The following ACOXL variants were observed in gnomAD, a reference collection of about 807,000 sequenced individuals.
The protein encoded by ACOXL is acyl-CoA oxidase like.
Under a neutral mutation model 71.9 loss-of-function variants are expected in ACOXL, and 70 were observed. The observed-to-expected ratio is 0.97, with a 90% CI of 0.80 to 1.19. The LOEUF (loss-of-function observed/expected upper bound fraction) is 1.19. ACOXL is among the 50% of genes most tolerant of loss of function. The pLI is 0.00. For missense variants in ACOXL, 703 were observed against 736.3 expected, an observed-to-expected ratio of 0.95 and a Z score of 0.52; for synonymous variants, 253 against 281.6, an observed-to-expected ratio of 0.90 and a Z score of 1.02.
rs56961921 is a variant in ACOXL at position 110,915,428 on chromosome 2, A to AT, written c.905+6536dup. Among the ~76,000 whole-genome samples the AT allele has an allele frequency of 4.8e-3, 523 of 107,978 alleles. 2 individuals carry two copies. The highest frequency in any genetic ancestry group is 9.0e-3 in the African/African-American group (253 of 28,036). 70.8% of individuals were successfully genotyped at this position (107,978 alleles called of 152,430 possible). A position where few individuals can be genotyped will look rare whatever the true frequency, so the allele number is the denominator to read the frequency against. ...TATACATATATATATATATATATAT[A>AT]TTTTTTTTTTTTTGAGATGGAGTCT... On this transcript the variant is annotated intron_variant, in intron 11 of 17. Coordinates refer to ENST00000439055, the MANE Select transcript of ACOXL (RefSeq NM_001142807.4).
intron 12 of ACOXL, among the ~76,000 whole-genome samples, chr2:110,935,566 C>T (rs1450831817): frequency 6.6e-6 from 1 of 152,192 alleles, no homozygotes; most frequent in Non-Finnish European, 1.5e-5. Flanking sequence ...TAACCCCACC[C>T]TGTTAGAGAA....
chr2:110,997,611 C>T (rs536489582), intron 14 of ACOXL, among the ~76,000 whole-genome samples: 1 of 152,264 alleles, frequency 6.6e-6, no homozygotes, highest in South Asian at 2.1e-4. Context: ...GAAGCAATTT[C>T]ACTAATATAG....
Position 110,908,570 on chromosome 2 carries a change from C to T in ACOXL, c.789-219C>T, listed in dbSNP as rs553908750. 2.6e-5 allele frequency among the ~76,000 whole-genome samples: 4 copies of T among 152,290 alleles called. No individual in the cohort carries two copies. In the South Asian group the frequency reaches 6.2e-4, roughly 24 times the overall value. On this transcript the variant is annotated intron_variant, in intron 10 of 17. Coordinates refer to ENST00000439055, the MANE Select transcript of ACOXL (RefSeq NM_001142807.4). ...GATGTGCTGCTTTAAAAATGTTCCA[C>T]GCTGGGAAGGTTAACTTCTAGAAGA...
Position 110,822,137 on chromosome 2 carries a change from T to G in ACOXL, c.753+16742T>G, listed in dbSNP as rs564860803. Among the ~76,000 whole-genome samples the G allele has an allele frequency of 2.6e-5, 4 of 152,312 alleles. No individual in the cohort carries two copies. The South Asian group carries it at 8.3e-4, about 32-fold the overall frequency. ...AAATGAAGATTAGGGTGCTAGGTGT[T>G]TCCTTCGTGGCTGGGATGTTGTTAC... is the stretch of plus-strand genomic sequence containing the variant. On this transcript the variant is annotated intron_variant, in intron 9 of 17. Transcript: ENST00000439055.
At chr2:110,814,214 GCCT>G (rs1428258858) in intron 9 of ACOXL, among the ~76,000 whole-genome samples, 1 of 152,172 alleles carries the variant, frequency 6.6e-6, no homozygotes, top group East Asian at 1.9e-4. Flanking sequence ...CAGAATCCAG[GCCT>G]CCTTCTCCAC....
chr2:110,953,966 T>C (rs1271229390), intron 12 of ACOXL, among the ~76,000 whole-genome samples: 1 of 152,222 alleles, frequency 6.6e-6, no homozygotes, highest in Non-Finnish European at 1.5e-5. Context: ...CAGTTGGACA[T>C]GAGATTTGAG....
chr2:110,929,404 A>G (rs2060399156), intron 11 of ACOXL, among the ~76,000 whole-genome samples: 1 of 152,202 alleles, frequency 6.6e-6, no homozygotes, highest in Non-Finnish European at 1.5e-5. Flanking sequence ...AGCAATTTCT[A>G]AGCAGCAAGG....
At chr2:111,113,142 T>A (rs1004095568) in intron 17 of ACOXL, 2 of 152,000 alleles carry the variant, frequency 1.3e-5, no homozygotes, top group Non-Finnish European at 2.9e-5. Flanking sequence ...CTCCAGCAAC[T>A]GGAAGCAGTG....
intron 10 of ACOXL, among the ~76,000 whole-genome samples, chr2:110,844,334 T>C (rs951115157): frequency 6.6e-6 from 1 of 152,218 alleles, no homozygotes; most frequent in African/African-American, 2.4e-5. Flanking sequence ...TTTAACATTC[T>C]GGAAAGTACA....
intron 8 of ACOXL, among the ~76,000 whole-genome samples, chr2:110,803,095 G>A (rs188437601): frequency 6.6e-6 from 1 of 152,274 alleles, no homozygotes; most frequent in Non-Finnish European, 1.5e-5. Context: ...CCTGTGAATT[G>A]ATAGGAAATA....
intron 17 of ACOXL, among the ~76,000 whole-genome samples, chr2:111,113,633 T>C (rs899110838): frequency 4.6e-5 from 7 of 152,126 alleles, no homozygotes; most frequent in African/African-American, 9.7e-5. Context: ...GAATTGTTGA[T>C]TGGGGACTAG....
intron 16 of ACOXL, among the ~76,000 whole-genome samples, chr2:111,089,097 G>A (rs1405690121): frequency 1.3e-5 from 2 of 152,092 alleles, no homozygotes; most frequent in African/African-American, 2.4e-5. Flanking sequence ...TCAAGAGATC[G>A]AGACCATCCT....
chr2:110,929,763 G>A (rs190725118), intron 11 of ACOXL, among the ~76,000 whole-genome samples: 3 of 152,308 alleles, frequency 2.0e-5, no homozygotes, highest in Admixed American at 6.5e-5. Context: ...CTGCTGTAGC[G>A]ATGGCTAAAA....
rs2149790684 is a variant in ACOXL at position 111,040,707 on chromosome 2, A to G, written c.1370-8511A>G. On this transcript the variant is annotated intron_variant, in intron 15 of 17. Transcript: ENST00000439055. ...CAGCATTTGAGACTTTGCCTTTTGAAGGGCAGGTAGAATTTAGCTATCTGG... is the reference window on the plus strand; with the variant it reads ...CAGCATTTGAGACTTTGCCTTTTGAGGGGCAGGTAGAATTTAGCTATCTGG... 1.3e-5 allele frequency among the ~76,000 whole-genome samples: 2 copies of G among 152,306 alleles called. 1 individual carries two copies. Among genetic ancestry groups the G allele is most frequent in the East Asian group, 3.9e-4 (2 of 5,174 alleles).
intron 14 of ACOXL, among the ~76,000 whole-genome samples, chr2:111,024,124 G>T (rs2064906218): frequency 6.6e-6 from 1 of 152,126 alleles, no homozygotes; most frequent in Non-Finnish European, 1.5e-5. Context: ...GAAGACAGAG[G>T]TAGGCAGCCT....
At chr2:110,751,352 T>C (rs1222289705) in intron 1 of ACOXL, among the ~76,000 whole-genome samples, 1 of 151,708 alleles carries the variant, frequency 6.6e-6, no homozygotes. Flanking sequence ...TGGGAAGACC[T>C]TGACATTGAG....
intron 12 of ACOXL, among the ~76,000 whole-genome samples, chr2:110,965,100 A>T (rs769859560): frequency 6.6e-6 from 1 of 152,106 alleles, no homozygotes; most frequent in Admixed American, 6.5e-5. Context: ...TGCCTGACTT[A>T]TTTCACTTAA....
chr2:110,969,453 G>A (rs2062080112), intron 12 of ACOXL, among the ~76,000 whole-genome samples: 1 of 152,064 alleles, frequency 6.6e-6, no homozygotes, highest in African/African-American at 2.4e-5. Flanking sequence ...AAATTAAGAA[G>A]GCTCAAATCA....
intron 10 of ACOXL, among the ~76,000 whole-genome samples, chr2:110,905,672 G>A (rs1481915962): frequency 6.6e-6 from 1 of 152,168 alleles, no homozygotes; most frequent in Admixed American, 6.5e-5. Flanking sequence ...GTCAGGGAGT[G>A]GAAAGGGCTC....
Sources: allele counts gnomAD v4.1 joint callset (sites outside exome capture counted in the v4.1 genomes callset), GRCh38; gene constraint gnomAD v4.1.1; transcripts MANE v1.5; gene names NCBI Gene and HGNC (gene_info 2026-07-23, HGNC 2026-07-21).